The following PDZD2 variants were observed in gnomAD, a reference collection of about 807,000 sequenced individuals.
PDZD2 encodes the protein PDZ domain containing 2.
PDZD2 carries 90 observed loss-of-function variants against 220.7 expected under a neutral mutation model. The ratio of observed to expected loss-of-function variants is 0.41; its 90% CI spans 0.34 to 0.49. The LOEUF (loss-of-function observed/expected upper bound fraction) is 0.49. Ranked by LOEUF, PDZD2 falls within the 20% of genes least tolerant of loss-of-function variation. The probability of loss-of-function intolerance (pLI) is 0.28; values close to 1 mark genes in which losing one functional copy is unlikely to be tolerated. For synonymous variants in PDZD2, 1,375 were observed against 1,450.5 expected, an observed-to-expected ratio of 0.95 and a Z score of 1.18; for missense variants, 3,174 against 3,608.5, an observed-to-expected ratio of 0.88 and a Z score of 3.08.
chr5:32,002,056 A>G (rs1367958169), intron 5 of PDZD2, among the ~76,000 whole-genome samples: 1 of 152,172 alleles, frequency 6.6e-6, no homozygotes, highest in Non-Finnish European at 1.5e-5. Flanking sequence ...AGGTCTCTTT[A>G]TATTTTCCCC....
intron 1 of PDZD2, among the ~76,000 whole-genome samples, chr5:31,662,087 G>C (rs1745790723): frequency 6.6e-6 from 1 of 151,996 alleles, no homozygotes; most frequent in Non-Finnish European, 1.5e-5. Context: ...GAGGTGGGCA[G>C]ATCACCTGAG....
chr5:32,086,892 T>A (rs1742521420), intron 19 of PDZD2, among the ~76,000 whole-genome samples: 1 of 148,278 alleles, frequency 6.7e-6, no homozygotes, highest in African/African-American at 2.5e-5. Flanking sequence ...TTTCACCATG[T>A]TGGCCAGGCT....
intron 14 of PDZD2, among the ~76,000 whole-genome samples, chr5:32,068,727 T>G (rs1740449425): frequency 6.6e-6 from 1 of 152,186 alleles, no homozygotes; most frequent in South Asian, 2.1e-4. Flanking sequence ...CATGGTTATT[T>G]AAAAGAATGT....
chr5:32,061,050 T>G lies in PDZD2; in HGVS notation c.2367T>G (p.Ala789=), dbSNP rs1739643455. Residue 789 remains alanine (A), a synonymous_variant, in exon 14 of 25, where the codon GCT becomes GCG. Transcript: ENST00000438447. The part of the protein sequence containing the change: ...LEVNSVNVRH[A]ALSKVHAILS... ...TGAACTCCGTCAACGTCCGCCATGC[T>G]GCTTTAAGCAAAGTCCACGCCATCT... The G allele has an allele frequency of 7.4e-6, 12 of 1,614,092 alleles. No individual in the cohort carries two copies. The highest frequency in any genetic ancestry group is 1.6e-4 in the Middle Eastern group (1 of 6,084).
chr5:32,091,230 G>T (rs2111564885), intron 20 of PDZD2, 55 bp downstream of exon 20: 103 of 900,388 alleles, frequency 1.1e-4, no homozygotes, highest in East Asian at 2.4e-4. Flanking sequence ...TTTTGGAATA[G>T]TTTTAGATTT....
intron 15 of PDZD2, among the ~76,000 whole-genome samples, chr5:32,070,775 C>A (rs989075083): frequency 1.3e-5 from 2 of 152,244 alleles, no homozygotes; most frequent in Non-Finnish European, 2.9e-5. Flanking sequence ...GCGGGCAGAT[C>A]ACCTGAAGTC....
At chr5:31,976,863 A>C (rs1749828975) in intron 2 of PDZD2, among the ~76,000 whole-genome samples, 1 of 150,358 alleles carries the variant, frequency 6.7e-6, no homozygotes, top group Non-Finnish European at 1.5e-5. Flanking sequence ...GATTACAGGC[A>C]CGTGCTACCA....
intron 1 of PDZD2, among the ~76,000 whole-genome samples, chr5:31,683,446 G>GT (rs1218923407): frequency 6.6e-6 from 1 of 152,004 alleles, no homozygotes; most frequent in Non-Finnish European, 1.5e-5. Flanking sequence ...GTCCCTACTG[G>GT]TTTTTTTAAA....
At chr5:31,812,226 G>A (rs1256197527) in intron 2 of PDZD2, among the ~76,000 whole-genome samples, 1 of 152,086 alleles carries the variant, frequency 6.6e-6, no homozygotes, top group Non-Finnish European at 1.5e-5. Context: ...AATGGTGGTT[G>A]CTAAGGTGAG....
chr5:31,772,971 C>G (rs1752421328), intron 1 of PDZD2, among the ~76,000 whole-genome samples: 1 of 152,182 alleles, frequency 6.6e-6, no homozygotes, highest in African/African-American at 2.4e-5. Flanking sequence ...AAAGCCCCTC[C>G]TGTCCCGGCT....
At chr5:32,006,016 G>A (rs552494912) in intron 5 of PDZD2, among the ~76,000 whole-genome samples, 28 of 151,938 alleles carry the variant, frequency 1.8e-4, no homozygotes, top group African/African-American at 4.8e-4. Context: ...GCATGGTGGC[G>A]TGCACCTGTA....
At chr5:31,936,225 C>G (rs1485459484) in intron 2 of PDZD2, 1 of 987,628 alleles carries the variant, frequency 1.0e-6, no homozygotes, top group Non-Finnish European at 1.2e-6. Context: ...AGTTAATAAC[C>G]CAGGACTTTA....
chr5:31,860,259 C>T (rs1737566783), intron 2 of PDZD2, among the ~76,000 whole-genome samples: 1 of 152,144 alleles, frequency 6.6e-6, no homozygotes, highest in Non-Finnish European at 1.5e-5. Flanking sequence ...TTTCAGCCTT[C>T]ACTTGGTACC....
At chr5:31,665,879 A>G (rs1488215435) in intron 1 of PDZD2, among the ~76,000 whole-genome samples, 5 of 152,236 alleles carry the variant, frequency 3.3e-5, no homozygotes, top group African/African-American at 4.8e-5. Flanking sequence ...TTTTACACAC[A>G]TAAACTTCAG....
intron 1 of PDZD2, among the ~76,000 whole-genome samples, chr5:31,714,031 T>C (rs1405210474): frequency 6.6e-6 from 1 of 152,250 alleles, no homozygotes. Flanking sequence ...GTATCCATCC[T>C]TCTGATACTC....
intron 2 of PDZD2, among the ~76,000 whole-genome samples, chr5:31,920,435 C>T (rs1484543099): frequency 6.6e-6 from 1 of 150,638 alleles, no homozygotes. Context: ...AATTGATGAA[C>T]CTCCATTGAC....
At position 31,880,386 on chromosome 5, in the gene PDZD2, C is replaced by G. The variant is rs147507219; in HGVS notation, c.476+80662C>G. Reference sequence around the variant, plus strand: ...TCAAGATTCCATGCCACGTGGATTGCCCATGTCTCAACATTCTGCTGTATA... The same window carrying G: ...TCAAGATTCCATGCCACGTGGATTGGCCATGTCTCAACATTCTGCTGTATA... On this transcript the variant is annotated intron_variant, in intron 2 of 24. Coordinates refer to ENST00000438447, the MANE Select transcript of PDZD2 (RefSeq NM_178140.4). Among the ~76,000 whole-genome samples, 647 of 152,300 alleles carry G rather than the reference C, an allele frequency of 4.2e-3. 2 individuals are homozygous for G. The highest frequency in any genetic ancestry group is 9.8e-3 in the Admixed American group (150 of 15,294).
chr5:31,663,517 T>C (rs1176039310), intron 1 of PDZD2, among the ~76,000 whole-genome samples: 1 of 152,240 alleles, frequency 6.6e-6, no homozygotes, highest in Non-Finnish European at 1.5e-5. Flanking sequence ...ATTTGTCCTT[T>C]TAAGCCAGTT....
At position 32,087,865 on chromosome 5, in the gene PDZD2, G is replaced by A. The variant is rs529058989; in HGVS notation, c.4417G>A (p.Glu1473Lys). 30 of 1,611,878 alleles carry A rather than the reference G, an allele frequency of 1.9e-5. No individual in the cohort carries two copies. Among genetic ancestry groups the A allele is most frequent in the Admixed American group, 1.2e-4 (7 of 59,792 alleles). Residue 1473 changes from glutamate (E) to lysine (K), a missense_variant, in exon 20 of 25, where the codon GAA (glutamate) becomes AAA (lysine). This residue lies in a region of PDZD2 where 1,861 missense variants were observed against 2,001.0 expected (regional missense o/e 0.93). Transcript: ENST00000438447. The surrounding 1 kb of genome is among the most constrained non-coding windows in gnomAD (Gnocchi z 4.0). Reference protein sequence around the residue: ...GAGGGSSCRAEPVPGGQTSSP... With the variant: ...GAGGGSSCRAKPVPGGQTSSP... ...TGGAGGTGGGAGCTCCTGCCGTGCC[G>A]AACCAGTCCCGGGGGGCCAGACCTC...
Sources: allele counts gnomAD v4.1 joint callset (sites outside exome capture counted in the v4.1 genomes callset), GRCh38; gene constraint gnomAD v4.1.1; regional missense constraint gnomAD v4.1.1; non-coding constraint Gnocchi (gnomAD v3.1); transcripts MANE v1.5; gene names NCBI Gene and HGNC (gene_info 2026-07-23, HGNC 2026-07-21).